The following DLG5 variants were observed in gnomAD, a reference collection of about 807,000 sequenced individuals.
The protein encoded by DLG5 is disks large homolog 5.
In DLG5, 48 loss-of-function variants were observed where a neutral mutation model predicts 189.8. The observed-to-expected ratio is 0.25, with a 90% CI of 0.20 to 0.32. DLG5 has a LOEUF of 0.32. DLG5 is among the 10% of genes least tolerant of loss of function. The probability of loss-of-function intolerance (pLI) is 1.00; values close to 1 mark genes in which losing one functional copy is unlikely to be tolerated. For synonymous variants in DLG5, 1,016 were observed against 1,054.1 expected (o/e 0.96, Z 0.70); for missense variants, 2,160 against 2,544.7 (o/e 0.85, Z 3.25).
rs1472251974 is a variant in DLG5 at position 77,867,718 on chromosome 10, T to A, written c.373+1411A>T. Among the ~76,000 whole-genome samples the A allele has an allele frequency of 2.0e-5, 3 of 152,354 alleles. No homozygotes were observed. In the East Asian group the frequency reaches 5.8e-4, roughly 29 times the overall value. Reference sequence around the variant, plus strand: ...AAAGTCCCAATCCAGTAAATGTGAATGTGAACCTTATTTGGAAAGGTCAAA... The same window carrying A: ...AAAGTCCCAATCCAGTAAATGTGAAAGTGAACCTTATTTGGAAAGGTCAAA... On this transcript the variant is annotated intron_variant, in intron 2 of 31. Transcript: ENST00000372391.
At position 77,829,513 on chromosome 10, in the gene DLG5, A is replaced by T; in HGVS notation, c.2027T>A (p.Leu676Gln). The T allele has an allele frequency of 6.2e-7, 1 of 1,609,836 alleles. No individual in the cohort carries two copies. The highest frequency in any genetic ancestry group is 2.2e-5 in the East Asian group (1 of 44,840). ...DGRLRVNDWL[L>Q]RINDVDLINK... is the part of the protein sequence containing the mutation. ...GATGAGGTCCACATCGTTGATTCTC[A>T]GCAGCCAGTCATTGACCCTGAGAAA... Residue 676 changes from leucine to glutamine, a missense_variant, in exon 12 of 32, where the codon CTG becomes CAG. Coordinates refer to ENST00000372391, the MANE Select transcript of DLG5 (RefSeq NM_004747.4).
intron 1 of DLG5, among the ~76,000 whole-genome samples, chr10:77,917,669 C>T (rs1846403613): frequency 6.6e-6 from 1 of 152,140 alleles, no homozygotes; most frequent in African/African-American, 2.4e-5. Flanking sequence ...TACAGAGTTT[C>T]GATTTTGCAA....
intron 1 of DLG5, among the ~76,000 whole-genome samples, chr10:77,921,008 A>C (rs1332613255): frequency 6.6e-6 from 1 of 152,156 alleles, no homozygotes; most frequent in Non-Finnish European, 1.5e-5. Flanking sequence ...TCAACCATTA[A>C]TTTCAAATGA....
intron 23 of DLG5, among the ~76,000 whole-genome samples, chr10:77,810,198 G>A (rs1270634085): frequency 3.9e-5 from 6 of 152,234 alleles, no homozygotes; most frequent in African/African-American, 1.4e-4. Context: ...TGCCATCAAG[G>A]CACTTACAAT....
chr10:77,861,457 GGA>G (rs1844466297), intron 2 of DLG5, among the ~76,000 whole-genome samples: 1 of 152,180 alleles, frequency 6.6e-6, no homozygotes, highest in Non-Finnish European at 1.5e-5. Context: ...CAAAGAAGCT[GGA>G]GAGAGGAGAG....
chr10:77,916,928 A>ATAT (rs1846376866), intron 1 of DLG5, among the ~76,000 whole-genome samples: 2 of 89,852 alleles, frequency 2.2e-5, no homozygotes, highest in Non-Finnish European at 4.8e-5. Flanking sequence ...TATATATATG[A>ATAT]ATATTATTCG....
chr10:77,853,310 G>C, intron 5 of DLG5, 44 bp downstream of exon 5: 1 of 1,424,018 alleles, frequency 7.0e-7, no homozygotes, highest in Non-Finnish European at 9.3e-7. Flanking sequence ...AAAGGAATGA[G>C]GACTACTTGG....
At chr10:77,806,012 C>G (rs370462253) in intron 26 of DLG5, 151 bp from the exon 27 acceptor site, 2 of 695,486 alleles carry the variant, frequency 2.9e-6, no homozygotes, top group African/African-American at 3.6e-5. Context: ...TCCTCCCACG[C>G]CCCTGGGAAC....
intron 18 of DLG5, 99 bp from the exon 19 acceptor site, chr10:77,817,195 G>C: frequency 9.5e-7 from 1 of 1,057,238 alleles, no homozygotes; most frequent in Non-Finnish European, 1.5e-6. Flanking sequence ...TAAATGCAAA[G>C]CTGGGCCCTG....
At position 77,809,703 on chromosome 10, in the gene DLG5, G is replaced by A; in HGVS notation, c.4491C>T (p.Thr1497=). Residue 1497 remains threonine (T), a synonymous_variant, in exon 24 of 32, where the codon ACC becomes ACT. Coordinates refer to ENST00000372391, the MANE Select transcript of DLG5 (RefSeq NM_004747.4). Reference sequence around the variant, plus strand: ...TGATGAAGACAACGCGTGGCTCCAGGGTCTTCTTGTTGGCATCTCCCGCAA... The same window carrying A: ...TGATGAAGACAACGCGTGGCTCCAGAGTCTTCTTGTTGGCATCTCCCGCAA... ...SRIAGDANKK[T]LEPRVVFIKK... is the part of the protein sequence containing the mutation. 6.2e-7 allele frequency: 1 copy of A among 1,613,296 alleles called. No homozygotes were observed. The highest frequency in any genetic ancestry group is 2.2e-5 in the East Asian group (1 of 44,852).
chr10:77,806,134 G>C (rs957234499), intron 26 of DLG5: 1 of 436,226 alleles, frequency 2.3e-6, no homozygotes, highest in East Asian at 3.4e-5. Context: ...GGAACTGCTA[G>C]GACAGCCTTC....
At chr10:77,842,514 G>A (rs1330808971) in intron 6 of DLG5, among the ~76,000 whole-genome samples, 1 of 152,202 alleles carries the variant, frequency 6.6e-6, no homozygotes, top group South Asian at 2.1e-4. Context: ...ACAATGCCAG[G>A]ATAACAGCAT....
At chr10:77,888,534 G>A (rs544867406) in intron 1 of DLG5, among the ~76,000 whole-genome samples, 9 of 152,312 alleles carry the variant, frequency 5.9e-5, no homozygotes, top group East Asian at 5.8e-4. Flanking sequence ...GGAGCTTTGC[G>A]ACATAGTTTT....
chr10:77,819,457 G>T lies in DLG5; in HGVS notation c.3535C>A (p.Pro1179Thr). ...YPSRPSVGTV[P>T]RSLTPSTTVS... ...GTGGTGCTGGGGGTCAAACTCCGGG[G>T]AACAGTGCCTAGAAATGGGCTTGGT... is the stretch of plus-strand genomic sequence containing the variant. Residue 1179 changes from proline to threonine, a missense_variant, in exon 17 of 32, where the codon CCC becomes ACC. By Grantham distance (38) the Pro-to-Thr change is conservative (BLOSUM62 -1). Coordinates refer to ENST00000372391, the MANE Select transcript of DLG5 (RefSeq NM_004747.4). The T allele has an allele frequency of 6.2e-7, 1 of 1,613,058 alleles. No homozygotes were observed. The highest frequency in any genetic ancestry group is 8.5e-7 in the Non-Finnish European group (1 of 1,179,840).
At chr10:77,870,273 G>C (rs1564565050) in intron 1 of DLG5, among the ~76,000 whole-genome samples, 1 of 152,208 alleles carries the variant, frequency 6.6e-6, no homozygotes, top group African/African-American at 2.4e-5. Context: ...GGGTGAGCTG[G>C]AGATGGAATT....
At chr10:77,875,354 G>A (rs987307642) in intron 1 of DLG5, among the ~76,000 whole-genome samples, 1 of 152,186 alleles carries the variant, frequency 6.6e-6, no homozygotes, top group Admixed American at 6.5e-5. Flanking sequence ...TTCTCTGGAA[G>A]GGTAAGAAGT....
chr10:77,873,059 A>G (rs1373006517), intron 1 of DLG5, among the ~76,000 whole-genome samples: 1 of 150,540 alleles, frequency 6.6e-6, no homozygotes, highest in East Asian at 2.0e-4. Context: ...ACACGAGAGG[A>G]GGGCACCAAC....
intron 1 of DLG5, among the ~76,000 whole-genome samples, chr10:77,876,403 C>T (rs11002319): frequency 0.28 from 40,702 of 145,722 alleles, 6,273 homozygotes; most frequent in Non-Finnish European, 0.35. Flanking sequence ...GAAAGAGAGT[C>T]TCACTCTGTT....
chr10:77,824,498 G>T (rs777191967), intron 13 of DLG5, 22 bp from the exon 14 acceptor site: 1 of 1,600,978 alleles, frequency 6.2e-7, no homozygotes, highest in Non-Finnish European at 8.6e-7. Flanking sequence ...CAGAGAGCAT[G>T]TCAGGCCACA....
Sources: gnomAD v4.1 joint callset for allele counts (sites outside exome capture counted in the v4.1 genomes callset) on GRCh38, gnomAD v4.1.1 for gene constraint, MANE v1.5 for transcripts, NCBI Gene and HGNC (gene_info 2026-07-23, HGNC 2026-07-21) for gene names.